The following IGFBP4 variants were observed in gnomAD, a reference collection of about 807,000 sequenced individuals.
IGFBP4 encodes the protein insulin like growth factor binding protein 4, also known as insulin-like growth factor-binding protein 4.
In IGFBP4, 9 loss-of-function variants were observed where a neutral mutation model predicts 25.8. The observed-to-expected ratio is 0.35, with a 90% CI of 0.21 to 0.61. IGFBP4 has a LOEUF of 0.61. IGFBP4 is among the 20% of genes least tolerant of loss of function. The pLI is 0.77. For missense variants in IGFBP4, 315 were observed against 365.3 expected, an observed-to-expected ratio of 0.86 and a Z score of 1.12; for synonymous variants, 153 against 153.9, an observed-to-expected ratio of 0.99 and a Z score of 0.05.
intron 1 of IGFBP4, among the ~76,000 whole-genome samples, chr17:40,452,634 G>A (rs1221367710): frequency 1.3e-5 from 2 of 152,142 alleles, no homozygotes; most frequent in Admixed American, 1.3e-4. Context: ...TGAATGGAAA[G>A]GGGACAGGAT....
intron 1 of IGFBP4, among the ~76,000 whole-genome samples, chr17:40,449,952 A>C (rs968023078): frequency 6.6e-6 from 1 of 152,178 alleles, no homozygotes; most frequent in Non-Finnish European, 1.5e-5. Flanking sequence ...CACTCCTTGA[A>C]CCAAAGAATA....
chr17:40,452,038 A>G (rs866189395), intron 1 of IGFBP4, among the ~76,000 whole-genome samples: 1 of 152,040 alleles, frequency 6.6e-6, no homozygotes, highest in Admixed American at 6.6e-5. Context: ...GGGTCTTGCC[A>G]TGTTGCCTAG....
At chr17:40,445,761 C>T (rs2035641056) in intron 1 of IGFBP4, among the ~76,000 whole-genome samples, 2 of 152,142 alleles carry the variant, frequency 1.3e-5, no homozygotes, top group African/African-American at 4.8e-5. Context: ...GGGCCGAGCC[C>T]TTGGGTTCGC....
At position 40,453,194 on chromosome 17, in the gene IGFBP4, ATGC is replaced by A; in HGVS notation, c.507+53_507+55del. 4 of 1,378,802 alleles carry A rather than the reference ATGC, an allele frequency of 2.9e-6. No individual in the cohort carries two copies. Among genetic ancestry groups the A allele is most frequent in the Non-Finnish European group, 3.9e-6 (4 of 1,038,302 alleles). 85.4% of individuals were successfully genotyped at this position (1,378,802 alleles called of 1,614,324 possible). A position where few individuals can be genotyped will look rare whatever the true frequency, so the allele number is the denominator to read the frequency against. On this transcript the variant is annotated intron_variant, in intron 2 of 3. Transcript: ENST00000269593. The surrounding 1 kb of genome is among the most constrained non-coding windows in gnomAD (Gnocchi z 4.0). Reference sequence around the variant, plus strand: ...CATGTGCATAGACACACACACACACATGCCCCCTGCCCCCCACATGCACGCACC... The same window carrying A: ...CATGTGCATAGACACACACACACACACCCCTGCCCCCCACATGCACGCACC...
chr17:40,453,254 TGTTCATTCA>T lies in IGFBP4; in HGVS notation c.507+114_507+122del. On this transcript the variant is annotated intron_variant, in intron 2 of 3. Coordinates refer to ENST00000269593, the MANE Select transcript of IGFBP4 (RefSeq NM_001552.3). This position sits in a 1 kb window ranked among gnomAD's most constrained non-coding sequence, Gnocchi z 4.0. ...CACCATCACCACCAGATCTGGGGCG[TGTTCATTCA>T]GCACACATTCTAGGGTGACTACTGT... The T allele has an allele frequency of 1.3e-6, 1 of 798,258 alleles. No individual in the cohort carries two copies. The highest frequency in any genetic ancestry group is 2.8e-5 in the South Asian group (1 of 36,180). The allele number at this position is 798,258 out of a possible 1,614,324, so 49.4% of individuals were successfully genotyped here. A position where few individuals can be genotyped will look rare whatever the true frequency, so the allele number is the denominator to read the frequency against.
In IGFBP4 at chr17:40,444,082, C is replaced by T; in HGVS notation, c.347C>T (p.Ser116Phe). ...IEAIQESLQP[S>F]DKDEGDHPNN... ...GCCATCCAGGAAAGCCTGCAGCCCT[C>T]TGGTAAGGTACCCCTGGCCTCCCAA... The change falls in exon 1 of 4, where the codon TCT (serine) becomes TTT (phenylalanine). Residue 116 changes from serine (S) to phenylalanine (F), a missense_variant and splice_region_variant. Coordinates refer to ENST00000269593, the MANE Select transcript of IGFBP4 (RefSeq NM_001552.3). 1 of 1,534,906 alleles carries T rather than the reference C, an allele frequency of 6.5e-7. No homozygotes were observed. Among genetic ancestry groups the T allele is most frequent in the Non-Finnish European group, 8.7e-7 (1 of 1,145,670 alleles).
rs2035718354 is a variant in IGFBP4, at chr17:40,456,884, C to T, written c.*301C>T. 2.6e-6 allele frequency: 1 copy of T among 385,092 alleles called. No individual in the cohort carries two copies. 23.9% of individuals were successfully genotyped at this position (385,092 alleles called of 1,614,324 possible). A position where few individuals can be genotyped will look rare whatever the true frequency, so the allele number is the denominator to read the frequency against. ...GCCCTGGTGTGTTTCCAGATCGATC[C>T]TGGATTCACTCACTCACTCATTCCT... On this transcript the variant is annotated 3_prime_UTR_variant, in exon 4 of 4. Transcript: ENST00000269593.
intron 1 of IGFBP4, among the ~76,000 whole-genome samples, chr17:40,450,060 T>G (rs1277281844): frequency 6.6e-6 from 1 of 152,162 alleles, no homozygotes; most frequent in Non-Finnish European, 1.5e-5. Context: ...CAGGCTAGAG[T>G]GCAGTGGTGT....
At position 40,453,064 on chromosome 17, in the gene IGFBP4, C is replaced by T. The variant is rs767115395; in HGVS notation, c.429C>T (p.Phe143=). 6.2e-6 allele frequency: 10 copies of T among 1,601,722 alleles called. 1 individual carries two copies. In the Admixed American group the frequency reaches 6.9e-5, roughly 11 times the overall value. ...ACCGCAGGTGCCTGCAGAAGCACTTCGCCAAAATTCGAGACCGGAGCACCA... is the reference window on the plus strand; with the variant it reads ...ACCGCAGGTGCCTGCAGAAGCACTTTGCCAAAATTCGAGACCGGAGCACCA... The part of the protein sequence containing the change: ...AHDRRCLQKH[F]AKIRDRSTSG... The change falls in exon 2 of 4, where the codon TTC becomes TTT. Residue 143 remains phenylalanine, a synonymous_variant. Transcript: ENST00000269593. The surrounding 1 kb of genome is among the most constrained non-coding windows in gnomAD (Gnocchi z 4.0).
chr17:40,451,927 T>C (rs2035685536), intron 1 of IGFBP4, among the ~76,000 whole-genome samples: 2 of 152,122 alleles, frequency 1.3e-5, no homozygotes, highest in Non-Finnish European at 2.9e-5. Flanking sequence ...AACCTCGAAT[T>C]CCTGGGTTCA....
At position 40,456,562 on chromosome 17, in the gene IGFBP4, G is replaced by A; in HGVS notation, c.756G>A (p.Leu252=). The stretch of plus-strand genomic sequence containing the variant: ...AGGGGGAGCTGGACTGCCACCAGCT[G>A]GCTGACAGCTTTCGAGAGTGAGGCC... The part of the protein sequence containing the change: ...EPKGELDCHQ[L]ADSFRE Residue 252 remains leucine, a synonymous_variant, in exon 4 of 4, where the codon CTG becomes CTA. Transcript: ENST00000269593. 6.2e-7 allele frequency: 1 copy of A among 1,613,270 alleles called. No individual in the cohort carries two copies. Among genetic ancestry groups the A allele is most frequent in the Non-Finnish European group, 8.5e-7 (1 of 1,179,848 alleles).
intron 3 of IGFBP4, 121 bp downstream of exon 3, chr17:40,454,183 C>G (rs1243989321): frequency 4.4e-6 from 6 of 1,375,940 alleles, no homozygotes; most frequent in Non-Finnish European, 5.8e-6. Flanking sequence ...CCCAACCCAA[C>G]CCCTTGGAGC....
chr17:40,452,515 G>A (rs1161027278), intron 1 of IGFBP4, among the ~76,000 whole-genome samples: 2 of 152,168 alleles, frequency 1.3e-5, no homozygotes, highest in Non-Finnish European at 2.9e-5. Flanking sequence ...GGAAGAGGGC[G>A]AGCAGAGTCC....
Position 40,443,668 on chromosome 17 carries a change from T to A in IGFBP4, c.-68T>A. The A allele has an allele frequency of 1.1e-6, 1 of 900,982 alleles. No individual in the cohort carries two copies. The highest frequency in any genetic ancestry group is 5.2e-5 in the South Asian group (1 of 19,310). The allele number at this position is 900,982 out of a possible 1,614,324, so 55.8% of individuals were successfully genotyped here. ...GCTGCCGCCGTGTGCCCTCCGCCGC[T>A]CGCCCGCGCGCCCGCGCTCCCCGCC... On this transcript the variant is annotated 5_prime_UTR_variant, in exon 1 of 4. Transcript: ENST00000269593.
Position 40,456,477 on chromosome 17 carries a change from G to A in IGFBP4, c.671G>A (p.Gly224Asp), listed in dbSNP as rs2035714803. 6.2e-7 allele frequency: 1 copy of A among 1,614,096 alleles called. No homozygotes were observed. The highest frequency in any genetic ancestry group is 8.5e-7 in the Non-Finnish European group (1 of 1,180,000). ...QCHPALDGQRGKCWCVDRKTG... is the reference protein window; with the variant it reads ...QCHPALDGQRDKCWCVDRKTG... ...CACCCAGCTCTGGATGGGCAGCGTG[G>A]CAAGTGCTGGTGTGTGGACCGGAAG... The change falls in exon 4 of 4, where the codon GGC (glycine) becomes GAC (aspartate). Residue 224 changes from glycine to aspartate, a missense_variant. Coordinates refer to ENST00000269593, the MANE Select transcript of IGFBP4 (RefSeq NM_001552.3).
chr17:40,449,801 A>G (rs1445288400), intron 1 of IGFBP4, among the ~76,000 whole-genome samples: 2 of 151,884 alleles, frequency 1.3e-5, no homozygotes, highest in East Asian at 3.9e-4. Context: ...CATGGAAAGC[A>G]TAGTTGTGGT....
At chr17:40,447,176 C>T (rs779868731) in intron 1 of IGFBP4, among the ~76,000 whole-genome samples, 1 of 152,220 alleles carries the variant, frequency 6.6e-6, no homozygotes, top group Admixed American at 6.5e-5. Context: ...GTCCAGCTGC[C>T]TCCTGTTTGC....
At chr17:40,445,977 C>T (rs1336102331) in intron 1 of IGFBP4, among the ~76,000 whole-genome samples, 3 of 152,008 alleles carry the variant, frequency 2.0e-5, no homozygotes, top group Non-Finnish European at 2.9e-5. Context: ...AAATAAGATC[C>T]CCTAGGGGTT....
At chr17:40,446,204 G>A (rs1395723758) in intron 1 of IGFBP4, among the ~76,000 whole-genome samples, 2 of 151,120 alleles carry the variant, frequency 1.3e-5, no homozygotes, top group Non-Finnish European at 2.9e-5. Context: ...AACTGCAGTG[G>A]CTCATGCCTG....
Sources: allele counts gnomAD v4.1 joint callset (sites outside exome capture counted in the v4.1 genomes callset), GRCh38; gene constraint gnomAD v4.1.1; non-coding constraint Gnocchi (gnomAD v3.1); transcripts MANE v1.5; gene names NCBI Gene and HGNC (gene_info 2026-07-23, HGNC 2026-07-21).